The following NENF variants were observed in gnomAD, a reference collection of about 807,000 sequenced individuals.
NENF encodes the protein neudesin neurotrophic factor.
NENF carries 6 observed loss-of-function variants against 14.8 expected under a neutral mutation model. That is an observed-to-expected ratio of 0.40 (90% CI 0.22 to 0.80). The LOEUF is 0.80. Among genes scored for constraint, NENF ranks in the 30% least tolerant of loss-of-function variants. The probability of loss-of-function intolerance (pLI) is 0.34; values close to 1 mark genes in which losing one functional copy is unlikely to be tolerated. For missense variants in NENF, 184 were observed against 212.7 expected, an observed-to-expected ratio of 0.87 and a Z score of 0.84; for synonymous variants, 76 against 95.1, an observed-to-expected ratio of 0.80 and a Z score of 1.17.
At chr1:212,442,672 G>A (rs1662716239) in intron 2 of NENF, 47 bp downstream of exon 2, 4 of 1,382,566 alleles carry the variant, frequency 2.9e-6, no homozygotes, top group Non-Finnish European at 4.1e-6. Flanking sequence ...GAGCACAGAA[G>A]CCAGAGTGAG....
intron 3 of NENF, 120 bp downstream of exon 3, chr1:212,444,562 T>G: frequency 2.4e-6 from 1 of 411,452 alleles, no homozygotes; most frequent in African/African-American, 4.2e-5. Flanking sequence ...TGTGTGTGTG[T>G]GTGTGTATCT....
At chr1:212,435,852 T>C (rs1183614327) in intron 1 of NENF, among the ~76,000 whole-genome samples, 3 of 152,154 alleles carry the variant, frequency 2.0e-5, no homozygotes, top group South Asian at 2.1e-4. Context: ...GCTCAAAACT[T>C]AATTACTAAT....
intron 1 of NENF, among the ~76,000 whole-genome samples, chr1:212,439,582 G>A (rs1343074389): frequency 1.3e-5 from 2 of 148,218 alleles, no homozygotes; most frequent in Non-Finnish European, 3.0e-5. Flanking sequence ...GTTGCCTCAT[G>A]CCTATAATCC....
At chr1:212,439,163 C>T (rs955410237) in intron 1 of NENF, among the ~76,000 whole-genome samples, 2 of 152,082 alleles carry the variant, frequency 1.3e-5, no homozygotes, top group African/African-American at 2.4e-5. Context: ...CTTTTCTTCC[C>T]CTATAATATG....
Position 212,432,985 on chromosome 1 carries a change from AGCGCTGGCCCTGGTCCTG to A in NENF, c.53_70del (p.Leu18_Ala23del). ...CGCGGCGGCGGCTGCGGCCGCTGGC[AGCGCTGGCCCTGGTCCTG>A]GCGCTGGCCCCGGGGCTGCCCACAG... On this transcript the variant is annotated inframe_deletion, in exon 1 of 4. Coordinates refer to ENST00000366988, the MANE Select transcript of NENF (RefSeq NM_013349.5). 9.1e-7 allele frequency: 1 copy of A among 1,103,948 alleles called. No homozygotes were observed. Among genetic ancestry groups the A allele is most frequent in the Non-Finnish European group, 1.1e-6 (1 of 896,606 alleles). 68.4% of individuals were successfully genotyped at this position (1,103,948 alleles called of 1,614,324 possible).
At position 212,433,004 on chromosome 1, in the gene NENF, G is replaced by C; in HGVS notation, c.61G>C (p.Ala21Pro). 1 of 1,158,680 alleles carries C rather than the reference G, an allele frequency of 8.6e-7. No individual in the cohort carries two copies. Among genetic ancestry groups the C allele is most frequent in the Non-Finnish European group, 1.1e-6 (1 of 940,174 alleles). 71.8% of individuals were successfully genotyped at this position (1,158,680 alleles called of 1,614,324 possible). Residue 21 changes from alanine (A) to proline (P), a missense_variant, in exon 1 of 4, where the codon GCG (alanine) becomes CCG (proline). Transcript: ENST00000366988. This position sits in a 1 kb window ranked among gnomAD's most constrained non-coding sequence, Gnocchi z 5.5. ...RPLAALALVL[A>P]LAPGLPTARA... Reference sequence around the variant, plus strand: ...GCTGGCAGCGCTGGCCCTGGTCCTGGCGCTGGCCCCGGGGCTGCCCACAGC... The same window carrying C: ...GCTGGCAGCGCTGGCCCTGGTCCTGCCGCTGGCCCCGGGGCTGCCCACAGC...
chr1:212,444,252 G>A (rs1662740276), intron 2 of NENF, 87 bp from the exon 3 acceptor site: 4 of 768,636 alleles, frequency 5.2e-6, no homozygotes, highest in Admixed American at 3.1e-5. Context: ...GATTGGGTGC[G>A]GGCCTTGGGA....
chr1:212,445,541 T>A (rs1662764864), intron 3 of NENF, among the ~76,000 whole-genome samples: 2 of 152,150 alleles, frequency 1.3e-5, no homozygotes, highest in African/African-American at 4.8e-5. Flanking sequence ...GCAGATGCAA[T>A]AGGGCATGCC....
intron 1 of NENF, among the ~76,000 whole-genome samples, chr1:212,439,799 G>T (rs141844015): frequency 0.036 from 5,499 of 151,842 alleles, 196 homozygotes; most frequent in East Asian, 0.13. Flanking sequence ...GGCAGAGGTT[G>T]CAGTGAGCCG....
chr1:212,444,313 C>T (rs779317022), intron 2 of NENF, 26 bp from the exon 3 acceptor site: 16 of 1,515,294 alleles, frequency 1.1e-5, no homozygotes, highest in South Asian at 2.4e-5. Context: ...CCCACGCTTA[C>T]GTCTCTTCCT....
chr1:212,437,712 G>A (rs595066), intron 1 of NENF, among the ~76,000 whole-genome samples: 66,801 of 151,978 alleles, frequency 0.44, 15,324 homozygotes, highest in East Asian at 0.68. Context: ...CTTTCACAGA[G>A]CCACACTGTG....
At chr1:212,442,069 T>G (rs974670797) in intron 1 of NENF, among the ~76,000 whole-genome samples, 5 of 152,226 alleles carry the variant, frequency 3.3e-5, no homozygotes, top group Admixed American at 3.3e-4. Context: ...TGGGGTGCAG[T>G]GGCATGATCT....
chr1:212,445,859 C>T lies in NENF; in HGVS notation c.372C>T (p.Ala124=), dbSNP rs1662770753. 1.2e-6 allele frequency: 2 copies of T among 1,614,162 alleles called. No individual in the cohort carries two copies. Among genetic ancestry groups the T allele is most frequent in the African/African-American group, 1.3e-5 (1 of 75,038 alleles). The part of the protein sequence containing the change: ...TTGLTAKELE[A]LDEVFTKVYK... The stretch of plus-strand genomic sequence containing the variant: ...GTCTCACGGCCAAGGAACTGGAGGC[C>T]CTGGATGAGGTCTTCACCAAAGTGT... The change falls in exon 4 of 4, where the codon GCC becomes GCT. Residue 124 remains alanine, a synonymous_variant. Transcript: ENST00000366988.
intron 1 of NENF, among the ~76,000 whole-genome samples, chr1:212,435,280 T>G (rs1662585251): frequency 6.6e-6 from 1 of 152,240 alleles, no homozygotes; most frequent in African/African-American, 2.4e-5. Flanking sequence ...TCTATACAGT[T>G]GATCCTTGAG....
At position 212,446,105 on chromosome 1, in the gene NENF, C is replaced by T. The variant is rs995867214; in HGVS notation, c.*99C>T. The T allele has an allele frequency of 4.2e-6, 5 of 1,187,028 alleles. No individual in the cohort carries two copies. Among genetic ancestry groups the T allele is most frequent in the Non-Finnish European group, 6.1e-6 (5 of 818,176 alleles). The allele number at this position is 1,187,028 out of a possible 1,614,324, so 73.5% of individuals were successfully genotyped here. On this transcript the variant is annotated 3_prime_UTR_variant, in exon 4 of 4. Coordinates refer to ENST00000366988, the MANE Select transcript of NENF (RefSeq NM_013349.5). The stretch of plus-strand genomic sequence containing the variant: ...TGGCTGCCTGGAGGCCCTGAGCCAC[C>T]CAGATCTGAATAAAACAGATGCTTA...
At chr1:212,437,565 G>A (rs528118169) in intron 1 of NENF, among the ~76,000 whole-genome samples, 60 of 152,052 alleles carry the variant, frequency 3.9e-4, no homozygotes, top group South Asian at 3.5e-3. Flanking sequence ...AGGCAGACCC[G>A]CCTCTATCAG....
intron 3 of NENF, among the ~76,000 whole-genome samples, chr1:212,444,821 C>T (rs943516993): frequency 6.6e-6 from 1 of 152,190 alleles, no homozygotes; most frequent in African/African-American, 2.4e-5. Context: ...GCCACCCCAT[C>T]CCCTCAGCCC....
chr1:212,439,863 C>G (rs11578276), intron 1 of NENF, among the ~76,000 whole-genome samples: 32 of 150,916 alleles, frequency 2.1e-4, no homozygotes, highest in Non-Finnish European at 3.8e-4. Flanking sequence ...CCGTCCCCCC[C>G]CCACAAAAAA....
chr1:212,440,278 A>G (rs1026821213), intron 1 of NENF, among the ~76,000 whole-genome samples: 7 of 151,952 alleles, frequency 4.6e-5, no homozygotes, highest in Non-Finnish European at 1.0e-4. Context: ...GAAAAAGAAA[A>G]GAAGTATCAA....
Sources: gnomAD v4.1 joint callset for allele counts (sites outside exome capture counted in the v4.1 genomes callset) on GRCh38, gnomAD v4.1.1 for gene constraint, Gnocchi (gnomAD v3.1) non-coding constraint, MANE v1.5 for transcripts, NCBI Gene and HGNC (gene_info 2026-07-23, HGNC 2026-07-21) for gene names.